The following DSCAML1 variants were observed in gnomAD, a reference collection of about 807,000 sequenced individuals.
The protein encoded by DSCAML1 is DS cell adhesion molecule like 1, also known as cell adhesion molecule DSCAML1.
In DSCAML1, 38 loss-of-function variants were observed where a neutral mutation model predicts 200.5. The ratio of observed to expected loss-of-function variants is 0.19; its 90% CI spans 0.15 to 0.25. The LOEUF is 0.25. DSCAML1 is among the 10% of genes least tolerant of loss of function. DSCAML1 has a pLI of 1.00. For synonymous variants in DSCAML1, 1,215 were observed against 1,165.0 expected (o/e 1.04, Z -0.87); for missense variants, 2,223 against 2,858.8 (o/e 0.78, Z 5.07).
At chr11:117,511,442 A>G (rs1262884468) in intron 8 of DSCAML1, among the ~76,000 whole-genome samples, 1 of 152,158 alleles carries the variant, frequency 6.6e-6, no homozygotes, top group Non-Finnish European at 1.5e-5. Context: ...TTCAGCCTGC[A>G]TGCCCAGAGA....
chr11:117,790,486 G>A (rs61905352), intron 1 of DSCAML1, among the ~76,000 whole-genome samples: 4 of 152,236 alleles, frequency 2.6e-5, no homozygotes, highest in African/African-American at 7.2e-5. Flanking sequence ...TGGGGCCCAC[G>A]GAGGGGGAGA....
chr11:117,428,360 C>G lies in DSCAML1; in HGVS notation c.6130G>C (p.Gly2044Arg). The change falls in exon 33 of 33, where the codon GGG becomes CGG. Residue 2044 changes from glycine (G) to arginine (R), a missense_variant. Physicochemically the swap from Gly to Arg is moderately radical, Grantham distance 125 (BLOSUM62 -2). Transcript: ENST00000651296. ...GVGRSQKQGA[G>R]AYSKSYTLV is the part of the protein sequence containing the mutation. ...AGGGTGTAGGATTTGGAGTAGGCCC[C>G]GGCCCCCTGCTTCTGAGACCTCCCT... The G allele has an allele frequency of 6.3e-7, 1 of 1,582,860 alleles. No individual in the cohort carries two copies.
At chr11:117,545,849 C>T (rs1426355575) in intron 3 of DSCAML1, among the ~76,000 whole-genome samples, 6 of 152,216 alleles carry the variant, frequency 3.9e-5, no homozygotes, top group Admixed American at 1.3e-4. Flanking sequence ...TGGAGGAAAC[C>T]GAAGCACAGC....
At chr11:117,623,228 T>C (rs1297350504) in intron 3 of DSCAML1, among the ~76,000 whole-genome samples, 2 of 148,546 alleles carry the variant, frequency 1.3e-5, no homozygotes, top group Non-Finnish European at 3.0e-5. Flanking sequence ...TTTTTTTTTT[T>C]TTTTTGAGAC....
chr11:117,599,319 T>C (rs1160874950), intron 3 of DSCAML1, among the ~76,000 whole-genome samples: 1 of 152,210 alleles, frequency 6.6e-6, no homozygotes, highest in Admixed American at 6.5e-5. Context: ...TACCTTCTTA[T>C]TCACTGGGAT....
chr11:117,456,481 G>A (rs534210856), intron 19 of DSCAML1, among the ~76,000 whole-genome samples: 19 of 152,182 alleles, frequency 1.2e-4, no homozygotes, highest in Non-Finnish European at 2.2e-4. Flanking sequence ...CATTTGGAAA[G>A]TAGCTTTCAC....
intron 3 of DSCAML1, among the ~76,000 whole-genome samples, chr11:117,563,472 C>T (rs1269129240): frequency 1.3e-5 from 2 of 152,070 alleles, no homozygotes; most frequent in African/African-American, 4.8e-5. Context: ...GACAAAAGCC[C>T]CTCTGCTTGT....
At chr11:117,485,819 G>A (rs955686603) in intron 11 of DSCAML1, among the ~76,000 whole-genome samples, 5 of 152,250 alleles carry the variant, frequency 3.3e-5, no homozygotes, top group African/African-American at 1.2e-4. Flanking sequence ...GCAAATGTCA[G>A]AGAATGTGGT....
intron 3 of DSCAML1, among the ~76,000 whole-genome samples, chr11:117,593,452 C>A (rs1318047014): frequency 6.6e-6 from 1 of 152,196 alleles, no homozygotes; most frequent in African/African-American, 2.4e-5. Context: ...ATGTGAGAAC[C>A]AAAGCCGCTC....
intron 3 of DSCAML1, among the ~76,000 whole-genome samples, chr11:117,553,314 G>A (rs1047069737): frequency 1.3e-5 from 2 of 152,188 alleles, no homozygotes; most frequent in South Asian, 2.1e-4. Flanking sequence ...AAACTTCTAT[G>A]CATCAGAGGA....
At chr11:117,602,935 C>CA (rs370616033) in intron 3 of DSCAML1, among the ~76,000 whole-genome samples, 44 of 150,708 alleles carry the variant, frequency 2.9e-4, no homozygotes, top group African/African-American at 7.1e-4. Flanking sequence ...CCCGTCTCTA[C>CA]AAAAAAAAAG....
intron 8 of DSCAML1, among the ~76,000 whole-genome samples, chr11:117,512,977 G>T (rs1314026384): frequency 1.3e-5 from 2 of 152,142 alleles, no homozygotes; most frequent in Non-Finnish European, 2.9e-5. Flanking sequence ...CAGCTTTCAG[G>T]ACGTTCCGAG....
At chr11:117,485,036 T>C (rs2049015374) in intron 11 of DSCAML1, among the ~76,000 whole-genome samples, 1 of 151,892 alleles carries the variant, frequency 6.6e-6, no homozygotes. Flanking sequence ...GCACTAACCC[T>C]TCCAGGACCT....
chr11:117,709,046 G>A lies in DSCAML1; in HGVS notation c.511+67745C>T, dbSNP rs183090070. On this transcript the variant is annotated intron_variant, in intron 3 of 32. Coordinates refer to ENST00000651296, the MANE Select transcript of DSCAML1 (RefSeq NM_020693.4). Reference sequence around the variant, plus strand: ...TCCTCATCTGTGAAGTGGGGATATCGATAATATTCACCTCATGGACTTTTC... The same window carrying A: ...TCCTCATCTGTGAAGTGGGGATATCAATAATATTCACCTCATGGACTTTTC... Among the ~76,000 whole-genome samples, 1,331 of 152,288 alleles carry A rather than the reference G, an allele frequency of 8.7e-3. 7 individuals carry two copies. Among genetic ancestry groups the A allele is most frequent in the Non-Finnish European group, 0.014 (949 of 68,032 alleles).
intron 3 of DSCAML1, among the ~76,000 whole-genome samples, chr11:117,756,776 G>C (rs1472678812): frequency 6.6e-6 from 1 of 152,004 alleles, no homozygotes; most frequent in East Asian, 1.9e-4. Flanking sequence ...TCAGACCAAG[G>C]AGGGGGTGAT....
At chr11:117,756,341 AT>A (rs1424396789) in intron 3 of DSCAML1, among the ~76,000 whole-genome samples, 1 of 152,144 alleles carries the variant, frequency 6.6e-6, no homozygotes, top group East Asian at 1.9e-4. Flanking sequence ...TGAGGGTGGG[AT>A]TTTTGGGAAA....
At chr11:117,610,331 G>T (rs546872498) in intron 3 of DSCAML1, among the ~76,000 whole-genome samples, 1 of 152,178 alleles carries the variant, frequency 6.6e-6, no homozygotes, top group Non-Finnish European at 1.5e-5. Context: ...TACCCCCACT[G>T]CCCCATTGCA....
chr11:117,797,866 T>A (rs1481415627), upstream of DSCAML1, among the ~76,000 whole-genome samples: 2 of 152,226 alleles, frequency 1.3e-5, no homozygotes, highest in East Asian at 3.8e-4. Flanking sequence ...TCTTCCTCCT[T>A]TGTCTTCACC....
rs1592568247 is a variant in DSCAML1 at position 117,435,555 on chromosome 11, C to T, written c.4876+89G>A. ...GGGGACACAGGCACTCTGTATCATCCAGATGGTGCTGTGAGCCAGGGAAGG... is the reference window on the plus strand; with the variant it reads ...GGGGACACAGGCACTCTGTATCATCTAGATGGTGCTGTGAGCCAGGGAAGG... On this transcript the variant is annotated intron_variant, in intron 27 of 32. Transcript: ENST00000651296. 2.8e-6 allele frequency: 4 copies of T among 1,444,866 alleles called. No individual in the cohort carries two copies. The South Asian group carries it at 5.6e-5, about 20-fold the overall frequency. 89.5% of individuals were successfully genotyped at this position (1,444,866 alleles called of 1,614,324 possible). A position where few individuals can be genotyped will look rare whatever the true frequency, so the allele number is the denominator to read the frequency against.
Sources: gnomAD v4.1 joint callset for allele counts (sites outside exome capture counted in the v4.1 genomes callset) on GRCh38, gnomAD v4.1.1 for gene constraint, MANE v1.5 for transcripts, NCBI Gene and HGNC (gene_info 2026-07-23, HGNC 2026-07-21) for gene names.